The following PTK2 variants were observed in gnomAD, a reference collection of about 807,000 sequenced individuals.
The protein encoded by PTK2 is focal adhesion kinase 1.
PTK2 carries 45 observed loss-of-function variants against 150.1 expected under a neutral mutation model. The ratio of observed to expected loss-of-function variants is 0.30; its 90% CI spans 0.24 to 0.38. The LOEUF (loss-of-function observed/expected upper bound fraction) is 0.38, where lower values mean the gene tolerates loss of function less well. Ranked by LOEUF, PTK2 falls within the 10% of genes least tolerant of loss-of-function variation. The probability of loss-of-function intolerance (pLI) is 1.00; values close to 1 mark genes in which losing one functional copy is unlikely to be tolerated. For missense variants in PTK2, 919 were observed against 1,307.3 expected (o/e 0.70, Z 4.58); for synonymous variants, 432 against 449.2 (o/e 0.96, Z 0.48).
chr8:140,846,766 T>G (rs932896303), intron 5 of PTK2, 88 bp from the exon 6 acceptor site: 107 of 877,002 alleles, frequency 1.2e-4, no homozygotes, highest in Admixed American at 3.3e-4. Context: ...TGAGTACCTT[T>G]CATATAGTTT....
At chr8:140,758,270 T>C (rs2100067067) in intron 16 of PTK2, among the ~76,000 whole-genome samples, 2 of 152,086 alleles carry the variant, frequency 1.3e-5, no homozygotes, top group Admixed American at 6.6e-5. Context: ...TAAAATTTTG[T>C]TTGAGACAGG....
intron 14 of PTK2, among the ~76,000 whole-genome samples, chr8:140,765,864 A>G (rs1256703071): frequency 6.6e-6 from 1 of 152,194 alleles, no homozygotes; most frequent in Non-Finnish European, 1.5e-5. Context: ...CTAACAGCTA[A>G]GGCAACAGAA....
intron 23 of PTK2, among the ~76,000 whole-genome samples, chr8:140,709,613 C>T (rs985320408): frequency 6.6e-6 from 1 of 152,188 alleles, no homozygotes; most frequent in Non-Finnish European, 1.5e-5. Context: ...GCAGCTACCT[C>T]CTGGAGCTGC....
intron 14 of PTK2, among the ~76,000 whole-genome samples, chr8:140,783,684 C>T (rs1425057460): frequency 3.0e-4 from 45 of 152,026 alleles, no homozygotes; most frequent in Admixed American, 2.9e-3. Flanking sequence ...CAGCTTAATA[C>T]AAAATACAAA....
At chr8:140,680,244 T>G (rs2100016243) in intron 27 of PTK2, among the ~76,000 whole-genome samples, 1 of 152,178 alleles carries the variant, frequency 6.6e-6, no homozygotes, top group Admixed American at 6.5e-5. Context: ...TCTTTTTTTC[T>G]AAGACAGAGT....
chr8:140,774,795 T>C (rs930013977), intron 14 of PTK2, among the ~76,000 whole-genome samples: 1 of 152,216 alleles, frequency 6.6e-6, no homozygotes, highest in Non-Finnish European at 1.5e-5. Context: ...ATGCTAATTA[T>C]AATGCATTAG....
intron 28 of PTK2, among the ~76,000 whole-genome samples, chr8:140,674,963 C>T (rs1404651447): frequency 5.3e-5 from 8 of 150,348 alleles, no homozygotes; most frequent in African/African-American, 1.2e-4. Flanking sequence ...CCCAGCTACT[C>T]GGGAGGCTGA....
intron 4 of PTK2, among the ~76,000 whole-genome samples, chr8:140,866,441 A>G (rs1394714564): frequency 6.6e-6 from 1 of 152,210 alleles, no homozygotes; most frequent in Non-Finnish European, 1.5e-5. Context: ...AGCATTTTAC[A>G]CAGATGATTT....
At chr8:140,671,858 G>A (rs2095525357) in intron 29 of PTK2, among the ~76,000 whole-genome samples, 1 of 149,794 alleles carries the variant, frequency 6.7e-6, no homozygotes, top group African/African-American at 2.5e-5. Flanking sequence ...CGTGAACCCG[G>A]GAGGCGGAGC....
chr8:140,939,168 C>T (rs2100174781), intron 1 of PTK2, among the ~76,000 whole-genome samples: 1 of 152,144 alleles, frequency 6.6e-6, no homozygotes, highest in African/African-American at 2.4e-5. Flanking sequence ...TAAACTTTAT[C>T]ATCTAATGAA....
intron 12 of PTK2, among the ~76,000 whole-genome samples, chr8:140,794,802 G>A (rs2100090664): frequency 6.6e-6 from 1 of 152,128 alleles, no homozygotes; most frequent in Non-Finnish European, 1.5e-5. Flanking sequence ...CAGTTTCAAA[G>A]CGTCAAATAC....
At chr8:140,982,336 C>T (rs543594511) in intron 1 of PTK2, among the ~76,000 whole-genome samples, 52 of 152,328 alleles carry the variant, frequency 3.4e-4, no homozygotes, top group African/African-American at 1.2e-3. Context: ...CGGAGGCTCC[C>T]GCCTGTAATC....
intron 2 of PTK2, among the ~76,000 whole-genome samples, chr8:140,907,243 ATGAG>A (rs2100161289): frequency 6.6e-6 from 1 of 152,300 alleles, no homozygotes; most frequent in East Asian, 1.9e-4. Flanking sequence ...CTTCTCTACT[ATGAG>A]TGAGTATCCC....
At chr8:140,718,490 C>A (rs537790294) in intron 22 of PTK2, 1 of 152,286 alleles carries the variant, frequency 6.6e-6, no homozygotes, top group Admixed American at 6.5e-5. Context: ...CAGGGCTCAG[C>A]AGACAGTTTG....
At chr8:140,764,619 C>A in intron 14 of PTK2, 1 of 400,064 alleles carries the variant, frequency 2.5e-6, no homozygotes. Flanking sequence ...TCTTCCTCAA[C>A]TACACCAAAT....
intron 10 of PTK2, among the ~76,000 whole-genome samples, chr8:140,812,007 TGAAAA>T (rs2154601174): frequency 6.6e-6 from 1 of 152,328 alleles, no homozygotes; most frequent in South Asian, 2.1e-4. Context: ...ATATGATCTA[TGAAAA>T]GTTCCCCAAC....
intron 27 of PTK2, among the ~76,000 whole-genome samples, chr8:140,680,330 C>T (rs887472159): frequency 2.0e-5 from 3 of 152,082 alleles, no homozygotes; most frequent in African/African-American, 2.4e-5. Flanking sequence ...CAGGTTCAAG[C>T]GATTCTCCTG....
chr8:140,947,580 G>C (rs2100178117), intron 1 of PTK2, among the ~76,000 whole-genome samples: 1 of 151,682 alleles, frequency 6.6e-6, no homozygotes, highest in African/African-American at 2.4e-5. Context: ...GTAGAGTAAT[G>C]AGTTTTATTC....
intron 26 of PTK2, among the ~76,000 whole-genome samples, chr8:140,693,946 A>G (rs2100024790): frequency 6.6e-6 from 1 of 152,208 alleles, no homozygotes; most frequent in South Asian, 2.1e-4. Context: ...ACTGAAGTAA[A>G]TGGCAGGGCC....
Sources: allele counts gnomAD v4.1 joint callset (sites outside exome capture counted in the v4.1 genomes callset), GRCh38; gene constraint gnomAD v4.1.1; transcripts MANE v1.5; gene names NCBI Gene and HGNC (gene_info 2026-07-23, HGNC 2026-07-21).